Variants in ELK3 observed in about 807,000 individuals in gnomAD.
ELK3 encodes ETS domain-containing protein Elk-3.
ELK3 carries 10 observed loss-of-function variants against 28.9 expected under a neutral mutation model. The ratio of observed to expected loss-of-function variants is 0.35; its 90% CI spans 0.21 to 0.59. The LOEUF (loss-of-function observed/expected upper bound fraction) is 0.59. Ranked by LOEUF, ELK3 falls within the 20% of genes least tolerant of loss-of-function variation. The probability of loss-of-function intolerance (pLI) is 0.82; values close to 1 mark genes in which losing one functional copy is unlikely to be tolerated. For synonymous variants in ELK3, 272 were observed against 243.5 expected, an observed-to-expected ratio of 1.12 and a Z score of -1.09; for missense variants, 463 against 517.3, an observed-to-expected ratio of 0.90 and a Z score of 1.02.
intron 1 of ELK3, among the ~76,000 whole-genome samples, chr12:96,210,851 A>G (rs888167426): frequency 1.3e-5 from 2 of 152,244 alleles, no homozygotes; most frequent in East Asian, 3.9e-4. Context: ...ATGAACAAGG[A>G]AATGTCCTGA....
chr12:96,221,163 G>A (rs1310905567), intron 1 of ELK3, among the ~76,000 whole-genome samples: 2 of 152,216 alleles, frequency 1.3e-5, no homozygotes, highest in Non-Finnish European at 2.9e-5. Context: ...CACCTAAGGA[G>A]AGGGCAGTTG....
intron 2 of ELK3, among the ~76,000 whole-genome samples, chr12:96,230,674 T>C (rs1421815000): frequency 6.6e-6 from 1 of 152,134 alleles, no homozygotes; most frequent in Non-Finnish European, 1.5e-5. Context: ...GAAGTGCACA[T>C]GATTTTAATA....
chr12:96,249,521 C>T (rs1053776042), intron 3 of ELK3, among the ~76,000 whole-genome samples: 6 of 152,164 alleles, frequency 3.9e-5, no homozygotes, highest in Non-Finnish European at 7.3e-5. Flanking sequence ...AACAGCAGCT[C>T]CTGATGTAGC....
At chr12:96,252,259 G>C (rs1050217276) in intron 3 of ELK3, among the ~76,000 whole-genome samples, 1 of 152,128 alleles carries the variant, frequency 6.6e-6, no homozygotes, top group Non-Finnish European at 1.5e-5. Flanking sequence ...CAGTGCATCT[G>C]GTTACCCAAG....
intron 2 of ELK3, among the ~76,000 whole-genome samples, chr12:96,236,671 G>A (rs979010338): frequency 1.3e-5 from 2 of 152,310 alleles, no homozygotes; most frequent in South Asian, 2.1e-4. Flanking sequence ...CTGTACCATC[G>A]CAGTGGGAAG....
intron 3 of ELK3, among the ~76,000 whole-genome samples, chr12:96,254,798 C>T (rs1392991974): frequency 6.6e-6 from 1 of 151,996 alleles, no homozygotes; most frequent in Non-Finnish European, 1.5e-5. Context: ...GAAGAATGTC[C>T]AGAGGGCTTC....
intron 2 of ELK3, among the ~76,000 whole-genome samples, chr12:96,227,837 A>G (rs1951714765): frequency 2.0e-5 from 3 of 151,970 alleles, no homozygotes; most frequent in Non-Finnish European, 4.4e-5. Flanking sequence ...TTTTCTGTAA[A>G]GTGGGTATAA....
chr12:96,217,203 A>G (rs1951624882), intron 1 of ELK3, among the ~76,000 whole-genome samples: 1 of 152,246 alleles, frequency 6.6e-6, no homozygotes, highest in African/African-American at 2.4e-5. Flanking sequence ...GTGAGCCAAG[A>G]TCGTGCCACT....
chr12:96,262,183 T>TA (rs1443797553), intron 4 of ELK3, among the ~76,000 whole-genome samples: 1 of 152,102 alleles, frequency 6.6e-6, no homozygotes, highest in East Asian at 1.9e-4. Context: ...CACACACAGT[T>TA]AATTTTTGTA....
intron 1 of ELK3, among the ~76,000 whole-genome samples, chr12:96,202,079 C>T (rs1168487526): frequency 6.6e-6 from 1 of 152,146 alleles, no homozygotes; most frequent in East Asian, 1.9e-4. Context: ...CTGTCTGCCC[C>T]CACTGCTGTA....
chr12:96,223,507 C>T (rs1951677490), intron 1 of ELK3, 58 bp from the exon 2 acceptor site: 19 of 1,575,906 alleles, frequency 1.2e-5, no homozygotes, highest in Admixed American at 8.4e-5. Context: ...CCTCTCTCCT[C>T]GCCAAGTTTG....
intron 2 of ELK3, among the ~76,000 whole-genome samples, chr12:96,225,595 T>C (rs760318526): frequency 6.6e-6 from 1 of 152,182 alleles, no homozygotes; most frequent in Non-Finnish European, 1.5e-5. Flanking sequence ...GGTGCTGCTG[T>C]CATCATCCTC....
chr12:96,265,558 C>G (rs1162255364), intron 4 of ELK3, among the ~76,000 whole-genome samples: 1 of 152,054 alleles, frequency 6.6e-6, no homozygotes, highest in Admixed American at 6.6e-5. Context: ...TGGTGGCATC[C>G]ACCTGTAGTC....
In ELK3 at chr12:96,228,442, A is replaced by AAG. The variant is rs1555194380; in HGVS notation, c.207+4670_207+4671insGA. On this transcript the variant is annotated intron_variant, in intron 2 of 4. Transcript: ENST00000228741. ...AAAAAAAAAAAAAAAAAAAAAAAAA[A>AAG]AAGAAGATCAAAACCTTTGTTGCTA... 1.6e-3 allele frequency among the ~76,000 whole-genome samples: 224 copies of AAG among 142,646 alleles called. 2 individuals carry two copies. Among genetic ancestry groups the AAG allele is most frequent in the Non-Finnish European group, 2.4e-3 (156 of 64,806 alleles). 93.6% of individuals were successfully genotyped at this position (142,646 alleles called of 152,430 possible).
At chr12:96,245,271 A>T (rs909460516) in intron 2 of ELK3, among the ~76,000 whole-genome samples, 1 of 152,198 alleles carries the variant, frequency 6.6e-6, no homozygotes, top group Non-Finnish European at 1.5e-5. Flanking sequence ...TGATTTCAAA[A>T]GGCACATCAA....
At chr12:96,195,480 A>G (rs1271189315) in intron 1 of ELK3, among the ~76,000 whole-genome samples, 1 of 152,160 alleles carries the variant, frequency 6.6e-6, no homozygotes, top group African/African-American at 2.4e-5. Context: ...CTGTGACGCT[A>G]CTGTAACTTT....
intron 2 of ELK3, among the ~76,000 whole-genome samples, chr12:96,244,016 A>C (rs2137030821): frequency 6.6e-6 from 1 of 152,120 alleles, no homozygotes; most frequent in Non-Finnish European, 1.5e-5. Context: ...AAAAAAAAAA[A>C]AAAAAAAAAT....
chr12:96,268,641 T>C lies in ELK3; in HGVS notation c.*1461T>C, dbSNP rs2137049629. 6.6e-6 allele frequency: 1 copy of C among 152,308 alleles called. No homozygotes were observed. Among genetic ancestry groups the C allele is most frequent in the East Asian group, 1.9e-4 (1 of 5,190 alleles). The allele number at this position is 152,308 out of a possible 1,614,324, so 9.4% of individuals were successfully genotyped here. ...ACTATAAGTGATGATAAAAACTAAC[T>C]TGAAATGTGACTAAATAACTGATCC... On this transcript the variant is annotated 3_prime_UTR_variant, in exon 5 of 5. Transcript: ENST00000228741.
At chr12:96,260,629 G>A (rs1951986446) in intron 4 of ELK3, among the ~76,000 whole-genome samples, 1 of 152,158 alleles carries the variant, frequency 6.6e-6, no homozygotes, top group South Asian at 2.1e-4. Context: ...GGAGAAATCA[G>A]TATTTCCTCC....
Sources: allele counts gnomAD v4.1 joint callset (sites outside exome capture counted in the v4.1 genomes callset), GRCh38; gene constraint gnomAD v4.1.1; transcripts MANE v1.5; gene names NCBI Gene and HGNC (gene_info 2026-07-23, HGNC 2026-07-21).